The following DHX35 variants were observed in gnomAD, a reference collection of about 807,000 sequenced individuals.
DHX35 encodes probable ATP-dependent RNA helicase DHX35.
Under a neutral mutation model 99.6 loss-of-function variants are expected in DHX35, and 84 were observed. The observed-to-expected ratio is 0.84, with a 90% CI of 0.71 to 1.01. DHX35 has a LOEUF of 1.01. DHX35 is among the 50% of genes least tolerant of loss of function. DHX35 has a pLI of 0.00. For missense variants in DHX35, 852 were observed against 888.5 expected (o/e 0.96, Z 0.52); for synonymous variants, 331 against 316.2 (o/e 1.05, Z -0.50).
At chr20:38,982,337 C>G (rs185931552) in intron 3 of DHX35, among the ~76,000 whole-genome samples, 4 of 152,340 alleles carry the variant, frequency 2.6e-5, no homozygotes, top group Admixed American at 2.0e-4. Context: ...TTCTTTCTGT[C>G]TTTAGCCTTA....
intron 2 of DHX35, among the ~76,000 whole-genome samples, chr20:38,971,247 G>A (rs1325790466): frequency 6.6e-6 from 1 of 152,152 alleles, no homozygotes; most frequent in East Asian, 1.9e-4. Context: ...CCAGCTACTT[G>A]GGAGGCTGAG....
At chr20:38,973,808 A>G (rs2086037283) in intron 3 of DHX35, among the ~76,000 whole-genome samples, 1 of 152,220 alleles carries the variant, frequency 6.6e-6, no homozygotes, top group Admixed American at 6.5e-5. Context: ...ACAGGGTTGA[A>G]CAGTTTTGAC....
chr20:38,965,620 AT>A (rs201764819), intron 1 of DHX35, among the ~76,000 whole-genome samples: 8 of 150,328 alleles, frequency 5.3e-5, no homozygotes, highest in African/African-American at 1.9e-4. Flanking sequence ...GAGTTGCCCA[AT>A]TTTTTTTTTA....
At chr20:39,008,892 C>T (rs982160699) in intron 12 of DHX35, among the ~76,000 whole-genome samples, 16 of 152,220 alleles carry the variant, frequency 1.1e-4, no homozygotes, top group African/African-American at 3.6e-4. Flanking sequence ...TCCAGCCACC[C>T]TGCTTCCTCC....
intron 3 of DHX35, among the ~76,000 whole-genome samples, chr20:38,973,775 G>A (rs968012350): frequency 3.3e-5 from 5 of 152,106 alleles, no homozygotes; most frequent in Non-Finnish European, 5.9e-5. Flanking sequence ...ATATATTGCC[G>A]GTGGCTCCTT....
In DHX35 at chr20:39,025,141, G is replaced by T. The variant is rs1048875305; in HGVS notation, c.1672-89G>T. The T allele has an allele frequency of 3.5e-6, 5 of 1,436,152 alleles. No individual in the cohort carries two copies. In the East Asian group the frequency reaches 9.5e-5, roughly 27 times the overall value. 89.0% of individuals were successfully genotyped at this position (1,436,152 alleles called of 1,614,324 possible). ...GATCTTATGCCGTTGAACAGCACAT[G>T]GGGGAAGAGAGAAGAATGATCTTTA... On this transcript the variant is annotated intron_variant, in intron 17 of 21. Coordinates refer to ENST00000252011, the MANE Select transcript of DHX35 (RefSeq NM_021931.4).
chr20:39,028,346 C>A, intron 18 of DHX35, 72 bp from the exon 19 acceptor site: 1 of 1,444,128 alleles, frequency 6.9e-7, no homozygotes, highest in Non-Finnish European at 9.7e-7. Context: ...GGAGTGGATC[C>A]TGTGCATTAG....
chr20:38,978,261 C>T (rs2086113963), intron 3 of DHX35: 1 of 782,110 alleles, frequency 1.3e-6, no homozygotes, highest in African/African-American at 1.7e-5. Flanking sequence ...GCAATTCATC[C>T]TTTGCACCAG....
Position 39,030,772 on chromosome 20 carries a change from G to T in DHX35, c.1952G>T (p.Arg651Leu). The T allele has an allele frequency of 1.2e-6, 2 of 1,614,100 alleles. No homozygotes were observed. The highest frequency in any genetic ancestry group is 1.1e-5 in the South Asian group (1 of 91,078). Residue 651 changes from arginine to leucine, a missense_variant, in exon 20 of 22, where the codon CGC becomes CTC. Arg to Leu is a moderately radical substitution (Grantham distance 102). Coordinates refer to ENST00000252011, the MANE Select transcript of DHX35 (RefSeq NM_021931.4). ...ASVLYAEKPP[R>L]WVIYNEVIQT... ...GTCCTCTATGCAGAGAAGCCGCCTCGCTGGTAAGCTCATCCTGCTGCTTAG... is the reference window on the plus strand; with the variant it reads ...GTCCTCTATGCAGAGAAGCCGCCTCTCTGGTAAGCTCATCCTGCTGCTTAG...
At chr20:38,995,724 C>G (rs1342879849) in intron 8 of DHX35, among the ~76,000 whole-genome samples, 2 of 152,176 alleles carry the variant, frequency 1.3e-5, no homozygotes, top group Non-Finnish European at 2.9e-5. Context: ...TCTGAGGCAG[C>G]TAAGGAGGGA....
At chr20:39,001,073 A>T (rs1385614409) in intron 8 of DHX35, among the ~76,000 whole-genome samples, 1 of 152,128 alleles carries the variant, frequency 6.6e-6, no homozygotes, top group Non-Finnish European at 1.5e-5. Context: ...ATTAAATAGG[A>T]TGTGGACACC....
chr20:39,018,872 A>T lies in DHX35; in HGVS notation c.1471A>T (p.Met491Leu). The T allele has an allele frequency of 6.2e-7, 1 of 1,614,016 alleles. No homozygotes were observed. Among genetic ancestry groups the T allele is most frequent in the South Asian group, 1.1e-5 (1 of 91,076 alleles). The change falls in exon 15 of 22, where the codon ATG (methionine) becomes TTG (leucine). Residue 491 changes from methionine to leucine, a missense_variant. By Grantham distance (15) the Met-to-Leu change is conservative (BLOSUM62 2). Coordinates refer to ENST00000252011, the MANE Select transcript of DHX35 (RefSeq NM_021931.4). ...MRIAEFPLNP[M>L]FAKMLLESGN... is the part of the protein sequence containing the mutation. ...AATTGCAGAGTTTCCTTTGAATCCC[A>T]TGTTTGCCAAAATGCTGCTTGAATC...
At chr20:38,990,612 A>G (rs2086323504) in intron 5 of DHX35, among the ~76,000 whole-genome samples, 1 of 152,242 alleles carries the variant, frequency 6.6e-6, no homozygotes, top group Non-Finnish European at 1.5e-5. Context: ...AAAAAAATAC[A>G]GTATAACAAC....
chr20:39,003,982 A>G (rs982905545), intron 11 of DHX35, 75 bp downstream of exon 11: 1 of 1,548,830 alleles, frequency 6.5e-7, no homozygotes, highest in Non-Finnish European at 8.8e-7. Context: ...TTGTTTTGAA[A>G]CTTGCTAAAC....
chr20:38,976,937 A>G (rs910542109), intron 3 of DHX35, among the ~76,000 whole-genome samples: 2 of 152,146 alleles, frequency 1.3e-5, no homozygotes, highest in Admixed American at 1.3e-4. Flanking sequence ...ACAGGATTTC[A>G]TTCTTTTTTA....
intron 8 of DHX35, among the ~76,000 whole-genome samples, chr20:39,000,160 C>T (rs1229580153): frequency 6.6e-6 from 1 of 152,204 alleles, no homozygotes; most frequent in Non-Finnish European, 1.5e-5. Flanking sequence ...CAGTAATAAT[C>T]CTCCTTAGCC....
intron 11 of DHX35, 88 bp from the exon 12 acceptor site, chr20:39,006,058 A>C (rs1302026530): frequency 4.2e-6 from 6 of 1,445,624 alleles, no homozygotes; most frequent in Non-Finnish European, 5.7e-6. Context: ...GCAATGTTGG[A>C]AATGTTAAAT....
intron 8 of DHX35, among the ~76,000 whole-genome samples, chr20:38,996,134 A>G (rs976797851): frequency 1.3e-5 from 2 of 152,104 alleles, no homozygotes; most frequent in African/African-American, 4.8e-5. Context: ...AGTTTTGAGC[A>G]TTTATTATCT....
chr20:38,987,977 T>G lies in DHX35; in HGVS notation c.346-836T>G, dbSNP rs140349711. 8.9e-4 allele frequency among the ~76,000 whole-genome samples: 135 copies of G among 152,336 alleles called. 1 individual carries two copies. Among genetic ancestry groups the G allele is most frequent in the African/African-American group, 3.2e-3 (131 of 41,578 alleles). ...ATGAGAAAATGAAACTGGCCCAGCT[T>G]TGAATATGGTAATTCCTGTTCTGCC... On this transcript the variant is annotated intron_variant, in intron 4 of 21. Transcript: ENST00000252011.
Sources: gnomAD v4.1 joint callset for allele counts (sites outside exome capture counted in the v4.1 genomes callset) on GRCh38, gnomAD v4.1.1 for gene constraint, MANE v1.5 for transcripts, NCBI Gene and HGNC (gene_info 2026-07-23, HGNC 2026-07-21) for gene names.